Variants in TBL1XR1 observed in about 807,000 individuals in gnomAD.
TBL1XR1 encodes the protein F-box-like/WD repeat-containing protein TBL1XR1.
Under a neutral mutation model 66.9 loss-of-function variants are expected in TBL1XR1, and 5 were observed. The observed-to-expected ratio is 0.07, with a 90% CI of 0.04 to 0.16. The LOEUF (loss-of-function observed/expected upper bound fraction) is 0.16, where lower values mean the gene tolerates loss of function less well. Ranked by LOEUF, TBL1XR1 falls within the 10% of genes least tolerant of loss-of-function variation. TBL1XR1 has a pLI of 1.00. For missense variants in TBL1XR1, 238 were observed against 623.2 expected, an observed-to-expected ratio of 0.38 and a Z score of 6.58; for synonymous variants, 210 against 206.0, an observed-to-expected ratio of 1.02 and a Z score of -0.17.
intron 7 of TBL1XR1, among the ~76,000 whole-genome samples, chr3:177,049,149 G>A (rs1427736716): frequency 6.6e-6 from 1 of 152,142 alleles, no homozygotes; most frequent in Non-Finnish European, 1.5e-5. Flanking sequence ...GAACTTTAGT[G>A]GGGATAATCA....
At chr3:177,144,717 C>G (rs537916815) in intron 1 of TBL1XR1, among the ~76,000 whole-genome samples, 1 of 151,806 alleles carries the variant, frequency 6.6e-6, no homozygotes, top group East Asian at 1.9e-4. Context: ...TGCACCACTG[C>G]ACTCCAGCCT....
At chr3:177,174,132 G>A (rs902692934) in intron 1 of TBL1XR1, among the ~76,000 whole-genome samples, 3 of 152,094 alleles carry the variant, frequency 2.0e-5, no homozygotes, top group Admixed American at 2.0e-4. Context: ...TATGATGACA[G>A]GCCGGGTGCG....
intron 1 of TBL1XR1, among the ~76,000 whole-genome samples, chr3:177,185,602 T>C (rs1577422281): frequency 9.0e-6 from 1 of 110,694 alleles, no homozygotes; most frequent in South Asian, 2.6e-4. Context: ...AATGAGACTG[T>C]TTCCAAAAAA....
At chr3:177,088,658 A>G (rs181577134) in intron 2 of TBL1XR1, among the ~76,000 whole-genome samples, 171 of 152,158 alleles carry the variant, frequency 1.1e-3, no homozygotes, top group Non-Finnish European at 2.9e-4. Context: ...GATACAAGGA[A>G]TCAGTTAAAT....
At chr3:177,190,770 G>C (rs1177591075) in intron 1 of TBL1XR1, among the ~76,000 whole-genome samples, 1 of 152,160 alleles carries the variant, frequency 6.6e-6, no homozygotes, top group Non-Finnish European at 1.5e-5. Context: ...CATTACAGTG[G>C]AACAGGGCTG....
chr3:177,060,110 C>A (rs552080991), intron 3 of TBL1XR1, among the ~76,000 whole-genome samples: 1 of 152,264 alleles, frequency 6.6e-6, no homozygotes, highest in South Asian at 2.1e-4. Flanking sequence ...CCACCAGTGG[C>A]TTCCTTGCCC....
intron 1 of TBL1XR1, among the ~76,000 whole-genome samples, chr3:177,192,263 A>G (rs1040129314): frequency 6.6e-6 from 1 of 151,738 alleles, no homozygotes; most frequent in African/African-American, 2.4e-5. Flanking sequence ...GCGCATGCCT[A>G]TAATCCCAGC....
chr3:177,104,441 G>C (rs954217455), intron 1 of TBL1XR1, among the ~76,000 whole-genome samples: 4 of 152,080 alleles, frequency 2.6e-5, no homozygotes, highest in Non-Finnish European at 4.4e-5. Flanking sequence ...ATCCTCCACT[G>C]TCCTCACCCG....
chr3:177,112,971 G>A (rs12486556), intron 1 of TBL1XR1, among the ~76,000 whole-genome samples: 9,170 of 151,614 alleles, frequency 0.06, 371 homozygotes, highest in South Asian at 0.16. Context: ...AGAGATCGTG[G>A]CACTGCACTC....
intron 1 of TBL1XR1, among the ~76,000 whole-genome samples, chr3:177,188,091 C>T (rs1251524797): frequency 6.6e-6 from 1 of 151,770 alleles, no homozygotes; most frequent in African/African-American, 2.4e-5. Context: ...GCCACCACAC[C>T]CGGCTAATTT....
intron 2 of TBL1XR1, among the ~76,000 whole-genome samples, chr3:177,087,228 A>T (rs201058839): frequency 5.0e-4 from 24 of 47,722 alleles, no homozygotes; most frequent in East Asian, 1.1e-3. Context: ...TTTTTTATTT[A>T]AAAAAAAAAT....
intron 2 of TBL1XR1, among the ~76,000 whole-genome samples, chr3:177,075,632 T>C (rs1560146230): frequency 6.6e-6 from 1 of 152,204 alleles, no homozygotes; most frequent in African/African-American, 2.4e-5. Context: ...CCAATCTAAA[T>C]AGACAGACCC....
At chr3:177,062,454 G>A (rs2108531273) in intron 3 of TBL1XR1, among the ~76,000 whole-genome samples, 1 of 152,286 alleles carries the variant, frequency 6.6e-6, no homozygotes, top group East Asian at 1.9e-4. Flanking sequence ...GGTAGTCAGA[G>A]GCTCAAACTT....
intron 1 of TBL1XR1, among the ~76,000 whole-genome samples, chr3:177,119,468 G>C (rs1394984687): frequency 6.6e-6 from 1 of 152,068 alleles, no homozygotes; most frequent in South Asian, 2.1e-4. Context: ...TAAGTAAATA[G>C]ACATGAATGG....
rs1712118073 is a variant in TBL1XR1 at position 177,019,744 on chromosome 3, T to C, written c.*5754A>G. The C allele has an allele frequency of 6.6e-6, 1 of 152,150 alleles. No individual in the cohort carries two copies. Among genetic ancestry groups the C allele is most frequent in the Admixed American group, 6.6e-5 (1 of 15,266 alleles). The allele number at this position is 152,150 out of a possible 1,614,324, so 9.4% of individuals were successfully genotyped here. A position where few individuals can be genotyped will look rare whatever the true frequency, so the allele number is the denominator to read the frequency against. Reference sequence around the variant, plus strand: ...TTACTGTTCAAATTAGTTTCAGCTTTCCCTCAAGCTTATAAGGATTCTAAT... The same window carrying C: ...TTACTGTTCAAATTAGTTTCAGCTTCCCCTCAAGCTTATAAGGATTCTAAT... On this transcript the variant is annotated 3_prime_UTR_variant, in exon 16 of 16. Coordinates refer to ENST00000457928, the MANE Select transcript of TBL1XR1 (RefSeq NM_024665.7).
intron 10 of TBL1XR1, 69 bp downstream of exon 10, chr3:177,046,060 T>A: frequency 8.6e-7 from 1 of 1,157,400 alleles, no homozygotes; most frequent in East Asian, 2.6e-5. Flanking sequence ...ATAAATTATA[T>A]GCTGTTAAAA....
intron 1 of TBL1XR1, among the ~76,000 whole-genome samples, chr3:177,111,128 T>A (rs1240003274): frequency 6.6e-6 from 1 of 152,108 alleles, no homozygotes; most frequent in South Asian, 2.1e-4. Flanking sequence ...CAGGAGCTAT[T>A]GTCTTTGCAC....
intron 1 of TBL1XR1, among the ~76,000 whole-genome samples, chr3:177,158,744 CTGTTTGAGCACCTCTAGATTAAAGAAAA>C (rs1277305372): frequency 6.6e-6 from 1 of 152,146 alleles, no homozygotes; most frequent in East Asian, 1.9e-4. Flanking sequence ...TTTAGGGATT[CTGTTTGAGCACCTCTAGATTAAAGAAAA>C]TTGGACACTA....
intron 1 of TBL1XR1, among the ~76,000 whole-genome samples, chr3:177,142,731 C>T (rs1002051671): frequency 6.6e-6 from 1 of 152,038 alleles, no homozygotes; most frequent in African/African-American, 2.4e-5. Context: ...AATAAATTTA[C>T]AATAATAAAT....
Sources: gnomAD v4.1 joint callset for allele counts (sites outside exome capture counted in the v4.1 genomes callset) on GRCh38, gnomAD v4.1.1 for gene constraint, MANE v1.5 for transcripts, NCBI Gene and HGNC (gene_info 2026-07-23, HGNC 2026-07-21) for gene names.